GNG4: variants seen among roughly 807,000 people sequenced by gnomAD.
GNG4 encodes guanine nucleotide-binding protein G(I)/G(S)/G(O) subunit gamma-4.
In GNG4, 4 loss-of-function variants were observed where a neutral mutation model predicts 5.8. The ratio of observed to expected loss-of-function variants is 0.69; its 90% CI spans 0.34 to 1.57. The LOEUF is 1.57. GNG4 is among the 40% of genes most tolerant of loss of function. The pLI is 0.06. For missense variants in GNG4, 96 were observed against 95.1 expected, an observed-to-expected ratio of 1.01 and a Z score of -0.04; for synonymous variants, 29 against 32.9, an observed-to-expected ratio of 0.88 and a Z score of 0.41.
intron 1 of GNG4, among the ~76,000 whole-genome samples, chr1:235,647,801 A>AT (rs1332429956): frequency 4.6e-5 from 7 of 152,146 alleles, no homozygotes; most frequent in Admixed American, 2.6e-4. Context: ...CGCCCGCCTA[A>AT]TTTTTTGCAT....
chr1:235,615,825 T>C (rs1688577566), intron 1 of GNG4: 4 of 271,386 alleles, frequency 1.5e-5, no homozygotes, highest in Non-Finnish European at 3.0e-5. Flanking sequence ...GTGAACTGGA[T>C]GGCAAGCAGT....
In GNG4 at chr1:235,551,988, C is replaced by A; in HGVS notation, c.*121G>T. The A allele has an allele frequency of 1.4e-6, 1 of 737,192 alleles. No homozygotes were observed. The highest frequency in any genetic ancestry group is 2.3e-6 in the Non-Finnish European group (1 of 440,358). 45.7% of individuals were successfully genotyped at this position (737,192 alleles called of 1,614,324 possible). A position where few individuals can be genotyped will look rare whatever the true frequency, so the allele number is the denominator to read the frequency against. On this transcript the variant is annotated 3_prime_UTR_variant, in exon 4 of 4. Coordinates refer to ENST00000391854, the MANE Select transcript of GNG4 (RefSeq NM_001098722.2). ...AACAGATGGAAACATAAGACAAGCC[C>A]CGGCCACTGTTGGCTGGGCAGGGAT...
At chr1:235,555,605 G>A (rs1339165341) in intron 3 of GNG4, among the ~76,000 whole-genome samples, 1 of 151,442 alleles carries the variant, frequency 6.6e-6, no homozygotes, top group Non-Finnish European at 1.5e-5. Flanking sequence ...CTTGAGTCCG[G>A]GAGTTCAAGG....
intron 3 of GNG4, among the ~76,000 whole-genome samples, chr1:235,569,847 C>T (rs2841887): frequency 0.74 from 111,767 of 151,656 alleles, 42,443 homozygotes; most frequent in African/African-American, 0.92. Context: ...ATAACAGGTG[C>T]GAGCCACTGC....
Position 235,644,746 on chromosome 1 carries a change from C to T in GNG4, c.-123+4916G>A, listed in dbSNP as rs1327436518. On this transcript the variant is annotated intron_variant, in intron 1 of 3. Coordinates refer to ENST00000391854, the MANE Select transcript of GNG4 (RefSeq NM_001098722.2). This position sits in a 1 kb window ranked among gnomAD's most constrained non-coding sequence, Gnocchi z 5.9. ...TTAGTCGGCCACAGGCTAGGGGCAG[C>T]GGAAAGGCCCTGCTGGAAATTTCCA... Among the ~76,000 whole-genome samples the T allele has an allele frequency of 6.6e-6, 1 of 152,176 alleles. No individual in the cohort carries two copies.
intron 1 of GNG4, among the ~76,000 whole-genome samples, chr1:235,610,933 CA>C (rs1328668090): frequency 1.3e-4 from 20 of 152,010 alleles, no homozygotes; most frequent in Admixed American, 1.3e-4. Flanking sequence ...GAAAAAAATA[CA>C]AAAATTTGCC....
At position 235,555,034 on chromosome 1, in the gene GNG4, A is replaced by G. The variant is rs574278115; in HGVS notation, c.100-2797T>C. ...ATCTACCCTTTAGCTAATTCAGAGGATGCAAGAGAAAGAATAAGGCAACAG... is the reference window on the plus strand; with the variant it reads ...ATCTACCCTTTAGCTAATTCAGAGGGTGCAAGAGAAAGAATAAGGCAACAG... On this transcript the variant is annotated intron_variant, in intron 3 of 3. Coordinates refer to ENST00000391854, the MANE Select transcript of GNG4 (RefSeq NM_001098722.2). 5.3e-5 allele frequency among the ~76,000 whole-genome samples: 8 copies of G among 152,274 alleles called. No individual in the cohort carries two copies. The South Asian group carries it at 8.3e-4, about 16-fold the overall frequency.
intron 1 of GNG4, among the ~76,000 whole-genome samples, chr1:235,640,164 T>C (rs958803908): frequency 6.6e-6 from 1 of 151,998 alleles, no homozygotes; most frequent in African/African-American, 2.4e-5. Flanking sequence ...GGAGACCTGG[T>C]GTTGCAGGCA....
intron 1 of GNG4, among the ~76,000 whole-genome samples, chr1:235,606,206 C>T (rs535296711): frequency 1.3e-5 from 2 of 152,036 alleles, no homozygotes; most frequent in Non-Finnish European, 2.9e-5. Context: ...ATAGTGAAAC[C>T]CCATCTCTAT....
intron 1 of GNG4, among the ~76,000 whole-genome samples, chr1:235,637,397 A>G (rs1189210089): frequency 6.6e-6 from 1 of 152,136 alleles, no homozygotes; most frequent in East Asian, 1.9e-4. Flanking sequence ...TCACACCTGT[A>G]ATCCCAGCAC....
intron 3 of GNG4, among the ~76,000 whole-genome samples, chr1:235,571,948 T>G (rs757832807): frequency 5.9e-5 from 9 of 152,168 alleles, no homozygotes; most frequent in Non-Finnish European, 1.3e-4. Flanking sequence ...GCAATCCTCC[T>G]GCCTCAGCCT....
intron 3 of GNG4, among the ~76,000 whole-genome samples, chr1:235,553,095 G>C (rs1257460057): frequency 6.6e-6 from 1 of 152,168 alleles, no homozygotes; most frequent in Non-Finnish European, 1.5e-5. Context: ...CCACTTCCCT[G>C]CGGAGAGAGG....
At chr1:235,570,921 T>TACAC (rs201995877) in intron 3 of GNG4, among the ~76,000 whole-genome samples, 3 of 63,930 alleles carry the variant, frequency 4.7e-5, no homozygotes, top group South Asian at 5.3e-4. Flanking sequence ...TACATATATA[T>TACAC]ATACACACAC....
chr1:235,639,493 C>T (rs898989127), intron 1 of GNG4, among the ~76,000 whole-genome samples: 66 of 152,278 alleles, frequency 4.3e-4, no homozygotes, highest in Admixed American at 1.7e-3. Context: ...CCTTCTGGGC[C>T]GGGCTTGGTG....
At position 235,550,683 on chromosome 1, in the gene GNG4, T is replaced by C. The variant is rs1422679968; in HGVS notation, c.*1426A>G. 3.3e-5 allele frequency: 5 copies of C among 152,114 alleles called. No individual in the cohort carries two copies. Among genetic ancestry groups the C allele is most frequent in the African/African-American group, 9.7e-5 (4 of 41,398 alleles). 9.4% of individuals were successfully genotyped at this position (152,114 alleles called of 1,614,324 possible). A position where few individuals can be genotyped will look rare whatever the true frequency, so the allele number is the denominator to read the frequency against. ...CAGGCATGTTGGCGTGTGCTTGTCA[T>C]CCCAGCTACTAGGGAGGCTGAGACA... On this transcript the variant is annotated 3_prime_UTR_variant, in exon 4 of 4. Coordinates refer to ENST00000391854, the MANE Select transcript of GNG4 (RefSeq NM_001098722.2).
intron 1 of GNG4, among the ~76,000 whole-genome samples, chr1:235,608,183 A>G (rs1688403160): frequency 6.6e-6 from 1 of 151,912 alleles, no homozygotes; most frequent in Admixed American, 6.6e-5. Context: ...TGATCCACCC[A>G]CCTCGGCCTC....
In GNG4 at chr1:235,630,250, TC is replaced by T. The variant is rs1257010202; in HGVS notation, c.-123+19411del. Among the ~76,000 whole-genome samples the T allele has an allele frequency of 3.0e-4, 46 of 152,210 alleles. 1 individual carries two copies. Among genetic ancestry groups the T allele is most frequent in the Admixed American group, 3.0e-3 (46 of 15,270 alleles). ...GCACACTCACAAAAGAGGCTGGTCATCTTTCTTCAAGACATTCAAGAATTCT... is the reference window on the plus strand; with the variant it reads ...GCACACTCACAAAAGAGGCTGGTCATTTTCTTCAAGACATTCAAGAATTCT... On this transcript the variant is annotated intron_variant, in intron 1 of 3. Coordinates refer to ENST00000391854, the MANE Select transcript of GNG4 (RefSeq NM_001098722.2).
chr1:235,568,376 C>A (rs903843182), intron 3 of GNG4, among the ~76,000 whole-genome samples: 1 of 152,116 alleles, frequency 6.6e-6, no homozygotes, highest in African/African-American at 2.4e-5. Context: ...TCGGGAAGAC[C>A]TTTTGACTGA....
chr1:235,583,931 T>A, intron 2 of GNG4, 83 bp from the exon 3 acceptor site: 2 of 772,724 alleles, frequency 2.6e-6, no homozygotes, highest in Non-Finnish European at 4.4e-6. Context: ...CTACAGCTTC[T>A]CTGTCCAAGC....
Sources: allele counts gnomAD v4.1 joint callset (sites outside exome capture counted in the v4.1 genomes callset), GRCh38; gene constraint gnomAD v4.1.1; non-coding constraint Gnocchi (gnomAD v3.1); transcripts MANE v1.5; gene names NCBI Gene and HGNC (gene_info 2026-07-23, HGNC 2026-07-21).